CDH12: variants seen among roughly 807,000 people sequenced by gnomAD.
CDH12 encodes the protein cadherin 12, also known as cadherin-12.
In CDH12, 41 loss-of-function variants were observed where a neutral mutation model predicts 74.1. The ratio of observed to expected loss-of-function variants is 0.55; its 90% CI spans 0.43 to 0.72. CDH12 has a LOEUF of 0.72. CDH12 is among the 30% of genes least tolerant of loss of function. CDH12 has a pLI of 0.00. For synonymous variants in CDH12, 399 were observed against 355.0 expected, an observed-to-expected ratio of 1.12 and a Z score of -1.39; for missense variants, 945 against 977.2, an observed-to-expected ratio of 0.97 and a Z score of 0.44.
chr5:22,520,162 C>G (rs1428911036), intron 1 of CDH12, among the ~76,000 whole-genome samples: 1 of 152,064 alleles, frequency 6.6e-6, no homozygotes, highest in Non-Finnish European at 1.5e-5. Context: ...AGTTAACTGT[C>G]CTAGCCAGTA....
intron 4 of CDH12, among the ~76,000 whole-genome samples, chr5:22,097,052 TC>T (rs760028213): frequency 3.3e-5 from 5 of 152,198 alleles, no homozygotes. Flanking sequence ...ACACAAGGAC[TC>T]CAAATGCCTG....
In CDH12 at chr5:22,803,676, G is replaced by A. The variant is rs1275567919; in HGVS notation, c.-523+49382C>T. 2.6e-5 allele frequency among the ~76,000 whole-genome samples: 4 copies of A among 152,220 alleles called. No homozygotes were observed. In the East Asian group the frequency reaches 7.7e-4, roughly 29 times the overall value. ...ACAAAAAAAATACTTCACCTTGGCC[G>A]CACTTTTTCATATCTATAGAAAATT... On this transcript the variant is annotated intron_variant, in intron 1 of 14. Coordinates refer to ENST00000382254, the MANE Select transcript of CDH12 (RefSeq NM_004061.5).
chr5:22,669,348 A>T (rs930954934), intron 1 of CDH12, among the ~76,000 whole-genome samples: 1 of 152,220 alleles, frequency 6.6e-6, no homozygotes, highest in African/African-American at 2.4e-5. Flanking sequence ...AATTAGAGAT[A>T]CTGTAAGTGT....
intron 2 of CDH12, among the ~76,000 whole-genome samples, chr5:22,474,437 A>G (rs1331463863): frequency 6.6e-6 from 1 of 152,196 alleles, no homozygotes; most frequent in African/African-American, 2.4e-5. Flanking sequence ...AATAAATCCA[A>G]CTGAGTTCTG....
At chr5:22,292,693 A>T (rs1188748689) in intron 3 of CDH12, among the ~76,000 whole-genome samples, 1 of 152,156 alleles carries the variant, frequency 6.6e-6, no homozygotes, top group Admixed American at 6.5e-5. Flanking sequence ...ACCATTAATC[A>T]TCAGGAGACA....
chr5:21,911,642 G>A (rs1331218748), intron 6 of CDH12, among the ~76,000 whole-genome samples: 3 of 151,924 alleles, frequency 2.0e-5, no homozygotes, highest in Non-Finnish European at 4.4e-5. Context: ...AAGGATGCAC[G>A]ACATTTTAAC....
chr5:21,992,350 T>C (rs1463024349), intron 5 of CDH12, among the ~76,000 whole-genome samples: 2 of 152,212 alleles, frequency 1.3e-5, no homozygotes, highest in Non-Finnish European at 2.9e-5. Flanking sequence ...TTTCAGGCTG[T>C]TGCATTTTTA....
chr5:22,135,414 A>G (rs1580304441), intron 4 of CDH12, among the ~76,000 whole-genome samples: 2 of 152,036 alleles, frequency 1.3e-5, no homozygotes, highest in South Asian at 2.1e-4. Flanking sequence ...GATCAAGTTA[A>G]GGATCTAAGC....
chr5:21,800,636 C>A (rs1394353203), intron 10 of CDH12, among the ~76,000 whole-genome samples: 1 of 152,128 alleles, frequency 6.6e-6, no homozygotes, highest in East Asian at 1.9e-4. Context: ...GCCTCCAGAA[C>A]TGTGTTTGTT....
intron 1 of CDH12, among the ~76,000 whole-genome samples, chr5:22,636,429 CTT>C (rs547129682): frequency 4.1e-4 from 63 of 152,200 alleles, no homozygotes; most frequent in Admixed American, 7.9e-4. Context: ...TGTCTGGAAA[CTT>C]ATGAGTAGAT....
chr5:22,153,913 TACACAC>T (rs71609744), intron 4 of CDH12, among the ~76,000 whole-genome samples: 2 of 130,334 alleles, frequency 1.5e-5, no homozygotes, highest in Non-Finnish European at 3.2e-5. Flanking sequence ...TACACACACA[TACACAC>T]ACACACACAA....
chr5:22,143,732 T>A (rs1304115071), intron 4 of CDH12: 1 of 152,126 alleles, frequency 6.6e-6, no homozygotes, highest in African/African-American at 2.4e-5. Context: ...ATAACTTAGA[T>A]TCAAATTTAT....
intron 2 of CDH12, among the ~76,000 whole-genome samples, chr5:22,493,554 GT>G (rs1746977118): frequency 1.0e-5 from 1 of 98,010 alleles, no homozygotes; most frequent in Non-Finnish European, 2.0e-5. Flanking sequence ...TTCAAAAATA[GT>G]TTTTTTGGTT....
At chr5:22,698,133 T>TCTTTA (rs1283271557) in intron 1 of CDH12, among the ~76,000 whole-genome samples, 1 of 141,436 alleles carries the variant, frequency 7.1e-6, no homozygotes, top group African/African-American at 2.6e-5. Flanking sequence ...TTTTTTTTTT[T>TCTTTA]TTTTTGAGAT....
intron 2 of CDH12, among the ~76,000 whole-genome samples, chr5:22,439,679 T>C (rs2126538783): frequency 6.6e-6 from 1 of 152,184 alleles, no homozygotes; most frequent in African/African-American, 2.4e-5. Context: ...ACCAATTGTG[T>C]ACATCAAGGA....
At position 21,835,122 on chromosome 5, in the gene CDH12, G is replaced by A. The variant is rs1467482251; in HGVS notation, c.814+7039C>T. Among the ~76,000 whole-genome samples the A allele has an allele frequency of 1.3e-5, 2 of 151,860 alleles. 1 individual carries two copies. Among genetic ancestry groups the A allele is most frequent in the Non-Finnish European group, 2.9e-5 (2 of 67,942 alleles). ...CTCTTAACCAGACTTTCCAGGAAAT[G>A]TGGGAGGTGAGAGAGGCATATAATT... On this transcript the variant is annotated intron_variant, in intron 8 of 14. Coordinates refer to ENST00000382254, the MANE Select transcript of CDH12 (RefSeq NM_004061.5).
intron 10 of CDH12, among the ~76,000 whole-genome samples, chr5:21,788,952 T>C (rs1348666342): frequency 6.6e-6 from 1 of 152,016 alleles, no homozygotes; most frequent in South Asian, 2.1e-4. Context: ...ATGTCTTTTT[T>C]GTGTATTTCT....
intron 3 of CDH12, among the ~76,000 whole-genome samples, chr5:22,326,123 C>G (rs531736936): frequency 7.2e-5 from 11 of 152,280 alleles, no homozygotes; most frequent in African/African-American, 2.6e-4. Context: ...TAGCTTTTCC[C>G]CCGTTCTCAC....
intron 3 of CDH12, among the ~76,000 whole-genome samples, chr5:22,215,560 C>T (rs887468821): frequency 3.9e-5 from 6 of 152,096 alleles, no homozygotes; most frequent in African/African-American, 1.2e-4. Flanking sequence ...AATTCATTTG[C>T]TCTCCCACTC....
Sources: gnomAD v4.1 joint callset for allele counts (sites outside exome capture counted in the v4.1 genomes callset) on GRCh38, gnomAD v4.1.1 for gene constraint, MANE v1.5 for transcripts, NCBI Gene and HGNC (gene_info 2026-07-23, HGNC 2026-07-21) for gene names.